FNDC3B: variants seen among roughly 807,000 people sequenced by gnomAD.
FNDC3B encodes the protein fibronectin type III domain containing 3B, also known as fibronectin type III domain-containing protein 3B.
A neutral mutation model predicts 151.5 loss-of-function variants in FNDC3B; 12 were observed. That is an observed-to-expected ratio of 0.08 (90% CI 0.05 to 0.13). The LOEUF (loss-of-function observed/expected upper bound fraction) is 0.13, where lower values mean the gene tolerates loss of function less well. FNDC3B is among the 10% of genes least tolerant of loss of function. The probability of loss-of-function intolerance (pLI) is 1.00; values close to 1 mark genes in which losing one functional copy is unlikely to be tolerated. For missense variants in FNDC3B, 1,214 were observed against 1,505.3 expected, an observed-to-expected ratio of 0.81 and a Z score of 3.20; for synonymous variants, 528 against 549.0, an observed-to-expected ratio of 0.96 and a Z score of 0.54.
intron 4 of FNDC3B, among the ~76,000 whole-genome samples, chr3:172,245,012 T>A (rs1014278500): frequency 6.6e-6 from 1 of 152,208 alleles, no homozygotes. Flanking sequence ...GGTTTCATTA[T>A]GCATGCACAT....
chr3:172,046,682 A>AG (rs1716385953), intron 1 of FNDC3B, among the ~76,000 whole-genome samples: 1 of 152,096 alleles, frequency 6.6e-6, no homozygotes, highest in Admixed American at 6.5e-5. Flanking sequence ...ACCATTTTGC[A>AG]GGGTGGTAGG....
intron 1 of FNDC3B, among the ~76,000 whole-genome samples, chr3:172,091,324 A>G (rs945941195): frequency 2.6e-5 from 4 of 152,156 alleles, no homozygotes; most frequent in African/African-American, 9.7e-5. Flanking sequence ...ATACATTTAG[A>G]TGGGCCTTTT....
intron 25 of FNDC3B, among the ~76,000 whole-genome samples, chr3:172,384,084 T>C (rs1046283785): frequency 6.6e-6 from 1 of 152,208 alleles, no homozygotes; most frequent in Non-Finnish European, 1.5e-5. Context: ...AAATTTCTCA[T>C]TGGTGTTTGC....
intron 25 of FNDC3B, among the ~76,000 whole-genome samples, chr3:172,391,362 T>G (rs1366694513): frequency 6.6e-6 from 1 of 152,160 alleles, no homozygotes. Flanking sequence ...AGCTCCATGT[T>G]AAAGATGAGA....
intron 3 of FNDC3B, among the ~76,000 whole-genome samples, chr3:172,180,733 G>A (rs1423627885): frequency 6.6e-6 from 1 of 152,178 alleles, no homozygotes; most frequent in African/African-American, 2.4e-5. Context: ...CATTGGAACA[G>A]TTTTGAGAAG....
intron 6 of FNDC3B, among the ~76,000 whole-genome samples, chr3:172,271,358 T>G (rs1268857092): frequency 6.6e-6 from 1 of 152,220 alleles, no homozygotes; most frequent in South Asian, 2.1e-4. Context: ...TTTAAACTAT[T>G]GATTTCCTAC....
chr3:172,395,376 C>A (rs570933444), intron 25 of FNDC3B, among the ~76,000 whole-genome samples: 67 of 152,226 alleles, frequency 4.4e-4, no homozygotes, highest in African/African-American at 1.5e-3. Flanking sequence ...TCCTCCATTC[C>A]CCTTCAAAGA....
intron 9 of FNDC3B, among the ~76,000 whole-genome samples, chr3:172,300,113 C>G (rs1341474003): frequency 6.6e-6 from 1 of 152,156 alleles, no homozygotes; most frequent in Non-Finnish European, 1.5e-5. Context: ...AATTAGCTTC[C>G]GCCCAAACGT....
At chr3:172,227,085 C>T (rs1233237107) in intron 4 of FNDC3B, 138 bp downstream of exon 4, 3 of 613,874 alleles carry the variant, frequency 4.9e-6, no homozygotes, top group Non-Finnish European at 8.9e-6. Flanking sequence ...TTTTGTGGCA[C>T]CACATGGCGT....
intron 11 of FNDC3B, among the ~76,000 whole-genome samples, chr3:172,322,344 C>T (rs972271138): frequency 6.6e-6 from 1 of 152,222 alleles, no homozygotes; most frequent in Admixed American, 6.5e-5. Context: ...AATCGAAAAT[C>T]AGGTGTCCCA....
chr3:172,390,558 C>A (rs1309413610), intron 25 of FNDC3B, among the ~76,000 whole-genome samples: 1 of 148,924 alleles, frequency 6.7e-6, no homozygotes. Flanking sequence ...TTTTTTAAAT[C>A]TTAACCAGGG....
rs183753436 is a variant in FNDC3B, at chr3:172,316,798, G to A, written c.1254+5917G>A. ...TTATCTAAAGAAACCTGAATTAATCGTCTCAGCTTTGTCTCTGTCTTCATC... is the reference window on the plus strand; with the variant it reads ...TTATCTAAAGAAACCTGAATTAATCATCTCAGCTTTGTCTCTGTCTTCATC... On this transcript the variant is annotated intron_variant, in intron 11 of 25. Coordinates refer to ENST00000415807, the MANE Select transcript of FNDC3B (RefSeq NM_022763.4). Among the ~76,000 whole-genome samples the A allele has an allele frequency of 5.3e-5, 8 of 152,270 alleles. No homozygotes were observed. In the East Asian group the frequency reaches 7.7e-4, roughly 15 times the overall value.
At chr3:172,145,453 A>G (rs969515162) in intron 3 of FNDC3B, among the ~76,000 whole-genome samples, 1 of 152,224 alleles carries the variant, frequency 6.6e-6, no homozygotes, top group Admixed American at 6.5e-5. Context: ...GTATACGCAT[A>G]CACTTATCTC....
intron 8 of FNDC3B, 25 bp from the exon 9 acceptor site, chr3:172,298,703 A>G: frequency 6.4e-7 from 1 of 1,573,668 alleles, no homozygotes; most frequent in Admixed American, 1.8e-5. Context: ...GGAATTAGCA[A>G]CTAATGAATG....
At chr3:172,312,152 C>T (rs1731533972) in intron 11 of FNDC3B, among the ~76,000 whole-genome samples, 1 of 152,058 alleles carries the variant, frequency 6.6e-6, no homozygotes, top group African/African-American at 2.4e-5. Context: ...GATGGAATTC[C>T]CATGATGAAA....
chr3:172,312,663 C>T (rs1292445300), intron 11 of FNDC3B, among the ~76,000 whole-genome samples: 1 of 151,936 alleles, frequency 6.6e-6, no homozygotes, highest in African/African-American at 2.4e-5. Context: ...TGCACACACT[C>T]GTGCATGCAT....
intron 1 of FNDC3B, among the ~76,000 whole-genome samples, chr3:172,101,769 C>G (rs1447694735): frequency 6.6e-6 from 1 of 152,210 alleles, no homozygotes; most frequent in African/African-American, 2.4e-5. Context: ...GAAGACATAA[C>G]TTTAGCAATT....
At chr3:172,068,788 G>C (rs1291654701) in intron 1 of FNDC3B, among the ~76,000 whole-genome samples, 2 of 152,182 alleles carry the variant, frequency 1.3e-5, no homozygotes, top group Non-Finnish European at 2.9e-5. Context: ...AATAAGCCCA[G>C]ACTGAGTGCT....
At chr3:172,100,945 G>T (rs980879570) in intron 1 of FNDC3B, among the ~76,000 whole-genome samples, 1 of 152,084 alleles carries the variant, frequency 6.6e-6, no homozygotes, top group Non-Finnish European at 1.5e-5. Flanking sequence ...ATCTACAATT[G>T]CTTATGTCAG....
Sources: gnomAD v4.1 joint callset for allele counts (sites outside exome capture counted in the v4.1 genomes callset) on GRCh38, gnomAD v4.1.1 for gene constraint, MANE v1.5 for transcripts, NCBI Gene and HGNC (gene_info 2026-07-23, HGNC 2026-07-21) for gene names.